PTPRM: variants seen among roughly 807,000 people sequenced by gnomAD.
PTPRM encodes the protein receptor-type tyrosine-protein phosphatase mu.
In PTPRM, 47 loss-of-function variants were observed where a neutral mutation model predicts 186.7. The observed-to-expected ratio is 0.25, with a 90% CI of 0.20 to 0.32. The LOEUF (loss-of-function observed/expected upper bound fraction) is 0.32, where lower values mean the gene tolerates loss of function less well. Among genes scored for constraint, PTPRM ranks in the 10% least tolerant of loss-of-function variants. The pLI is 1.00. For synonymous variants in PTPRM, 668 were observed against 674.9 expected (o/e 0.99, Z 0.16); for missense variants, 1,494 against 1,865.0 (o/e 0.80, Z 3.66).
At chr18:7,848,668 C>G (rs2145912792) in intron 2 of PTPRM, among the ~76,000 whole-genome samples, 1 of 152,002 alleles carries the variant, frequency 6.6e-6, no homozygotes, top group East Asian at 1.9e-4. Context: ...GAAGCTGGGA[C>G]AGGAGGATTG....
chr18:7,823,543 G>A (rs970580047), intron 2 of PTPRM, among the ~76,000 whole-genome samples: 2 of 152,178 alleles, frequency 1.3e-5, no homozygotes, highest in Non-Finnish European at 2.9e-5. Flanking sequence ...GGGAAAGGCA[G>A]ACCCACCCTC....
At chr18:8,166,698 T>C (rs567290676) in intron 14 of PTPRM, among the ~76,000 whole-genome samples, 34 of 152,220 alleles carry the variant, frequency 2.2e-4, no homozygotes, top group Non-Finnish European at 4.0e-4. Flanking sequence ...TATCACTGTT[T>C]CGCTTTGTAA....
At position 8,394,557 on chromosome 18, in the gene PTPRM, C is replaced by A. The variant is rs755740975; in HGVS notation, c.4290C>A (p.Val1430=). The A allele has an allele frequency of 2.5e-6, 4 of 1,613,812 alleles. No individual in the cohort carries two copies. The Admixed American group carries it at 6.7e-5, about 27-fold the overall frequency. The change falls in exon 32 of 33, where the codon GTC becomes GTA. Residue 1430 remains valine, a synonymous_variant. Coordinates refer to ENST00000580170, the MANE Select transcript of PTPRM (RefSeq NM_001105244.2). ...EMLRHQRTVD[V]FHAVKTLRNN... ...TCCGGCACCAGAGAACCGTGGATGT[C>A]TTTCACGCTGTGAAGACACTGAGGA...
intron 14 of PTPRM, among the ~76,000 whole-genome samples, chr18:8,165,882 A>C (rs1374224292): frequency 6.6e-6 from 1 of 152,140 alleles, no homozygotes; most frequent in Non-Finnish European, 1.5e-5. Context: ...TTTTAAATGT[A>C]AGAAAAGATA....
At chr18:8,315,799 CT>C (rs1281230929) in intron 21 of PTPRM, among the ~76,000 whole-genome samples, 1 of 152,160 alleles carries the variant, frequency 6.6e-6, no homozygotes, top group African/African-American at 2.4e-5. Flanking sequence ...AGAATGTTAT[CT>C]TTAGTGCTAA....
At chr18:8,383,705 GA>G (rs2095753691) in intron 29 of PTPRM, among the ~76,000 whole-genome samples, 1 of 152,234 alleles carries the variant, frequency 6.6e-6, no homozygotes, top group Non-Finnish European at 1.5e-5. Context: ...AGATTTGCTA[GA>G]TCTGAGCTGC....
chr18:7,664,031 G>A (rs1295227699), intron 1 of PTPRM, among the ~76,000 whole-genome samples: 1 of 152,200 alleles, frequency 6.6e-6, no homozygotes, highest in African/African-American at 2.4e-5. Context: ...CCTCCGTGCT[G>A]GATGTGCTTG....
At chr18:7,992,957 A>C (rs1044656589) in intron 7 of PTPRM, among the ~76,000 whole-genome samples, 23 of 152,030 alleles carry the variant, frequency 1.5e-4, no homozygotes, top group Non-Finnish European at 3.2e-4. Context: ...TAAATCAAAG[A>C]ATACATATTT....
intron 13 of PTPRM, among the ~76,000 whole-genome samples, chr18:8,132,532 T>C (rs1283732747): frequency 6.6e-6 from 1 of 152,144 alleles, no homozygotes; most frequent in East Asian, 1.9e-4. Context: ...ACTAATTATC[T>C]TATTAGACAT....
chr18:8,289,559 T>TACACATATATATATATACATATATATAC (rs2095011799), intron 19 of PTPRM, among the ~76,000 whole-genome samples: 4 of 101,146 alleles, frequency 4.0e-5, no homozygotes, highest in Non-Finnish European at 7.8e-5. Context: ...TACATATATA[T>TACACATATATATATATACATATATATAC]ACACATATAT....
At chr18:8,151,557 A>C (rs1382882544) in intron 14 of PTPRM, among the ~76,000 whole-genome samples, 1 of 146,964 alleles carries the variant, frequency 6.8e-6, no homozygotes. Context: ...TTTCAAGCCA[A>C]TGGATCTAAG....
intron 7 of PTPRM, among the ~76,000 whole-genome samples, chr18:8,068,035 G>A (rs962071418): frequency 6.6e-6 from 1 of 152,128 alleles, no homozygotes; most frequent in Non-Finnish European, 1.5e-5. Context: ...ATGATTTGTA[G>A]TTGTCAGGTC....
intron 7 of PTPRM, among the ~76,000 whole-genome samples, chr18:8,024,724 C>T (rs1407853648): frequency 7.9e-6 from 1 of 127,270 alleles, no homozygotes; most frequent in Non-Finnish European, 1.6e-5. Context: ...TGCTTTGTCA[C>T]CCAGGCTGGA....
chr18:7,973,632 T>C (rs1249408305), intron 7 of PTPRM, among the ~76,000 whole-genome samples: 1 of 152,152 alleles, frequency 6.6e-6, no homozygotes, highest in Non-Finnish European at 1.5e-5. Flanking sequence ...ATTTTTCTTA[T>C]TCTACCATTT....
chr18:8,363,810 C>T (rs1053179620), intron 23 of PTPRM, among the ~76,000 whole-genome samples: 3 of 152,152 alleles, frequency 2.0e-5, no homozygotes, highest in African/African-American at 4.8e-5. Context: ...ACAGATTTCT[C>T]GTGTGGTTTG....
intron 22 of PTPRM, among the ~76,000 whole-genome samples, chr18:8,320,763 T>C (rs3786384): frequency 0.048 from 7,307 of 152,182 alleles, 268 homozygotes; most frequent in African/African-American, 0.1. Context: ...TACTCTGCAC[T>C]CAGGTCTAGA....
intron 23 of PTPRM, among the ~76,000 whole-genome samples, chr18:8,354,030 G>T (rs931259214): frequency 1.3e-5 from 2 of 152,094 alleles, no homozygotes; most frequent in African/African-American, 4.8e-5. Context: ...TGGCCAACAT[G>T]GTGAAACCCC....
chr18:8,378,297 G>A lies in PTPRM; in HGVS notation c.3495G>A (p.Leu1165=). 6.2e-7 allele frequency: 1 copy of A among 1,612,880 alleles called. No individual in the cohort carries two copies. The highest frequency in any genetic ancestry group is 8.5e-7 in the Non-Finnish European group (1 of 1,178,890). ...EQYVFIHDAI[L]EACLCGDTSV... is the part of the protein sequence containing the mutation. ...ATGTGTTTATCCACGATGCGATCCT[G>A]GAAGCCTGTCTTTGTGGGGACACCT... The change falls in exon 27 of 33, where the codon CTG becomes CTA. Residue 1165 remains leucine, a synonymous_variant. Transcript: ENST00000580170.
rs1442583977 is a variant in PTPRM at position 7,968,301 on chromosome 18, A to C, written c.1132+12887A>C. Among the ~76,000 whole-genome samples, 4 of 141,442 alleles carry C rather than the reference A, an allele frequency of 2.8e-5. No individual in the cohort carries two copies. The East Asian group carries it at 7.8e-4, about 28-fold the overall frequency. 92.8% of individuals were successfully genotyped at this position (141,442 alleles called of 152,430 possible). On this transcript the variant is annotated intron_variant, in intron 7 of 32. Coordinates refer to ENST00000580170, the MANE Select transcript of PTPRM (RefSeq NM_001105244.2). ...AGGCCTGCCCTAAAAGAGCTCCTGA[A>C]GGAAGCGCTAAACATGGAAAGGAAC...
Sources: gnomAD v4.1 joint callset for allele counts (sites outside exome capture counted in the v4.1 genomes callset) on GRCh38, gnomAD v4.1.1 for gene constraint, MANE v1.5 for transcripts, NCBI Gene and HGNC (gene_info 2026-07-23, HGNC 2026-07-21) for gene names.